TBXAS1: variants seen among roughly 807,000 people sequenced by gnomAD.
TBXAS1 encodes the protein thromboxane-A synthase.
A neutral mutation model predicts 60.7 loss-of-function variants in TBXAS1; 48 were observed. The observed-to-expected ratio is 0.79, with a 90% CI of 0.63 to 1.01. The LOEUF is 1.01. Ranked by LOEUF, TBXAS1 falls within the 50% of genes least tolerant of loss-of-function variation. The pLI is 0.00. For missense variants in TBXAS1, 685 were observed against 686.3 expected, an observed-to-expected ratio of 1.00 and a Z score of 0.02; for synonymous variants, 287 against 269.7, an observed-to-expected ratio of 1.06 and a Z score of -0.63.
chr7:139,944,148 C>G (rs1055094573), intron 5 of TBXAS1, among the ~76,000 whole-genome samples: 1 of 152,200 alleles, frequency 6.6e-6, no homozygotes, highest in African/African-American at 2.4e-5. Context: ...GAGCTGGGGT[C>G]CTGCTTTGAG....
At chr7:139,826,375 CTAAG>C (rs1206752884), upstream of TBXAS1, among the ~76,000 whole-genome samples, 1 of 151,914 alleles carries the variant, frequency 6.6e-6, no homozygotes, top group Non-Finnish European at 1.5e-5. Context: ...TTGGGGGACA[CTAAG>C]TAGGAGTGAC....
chr7:140,011,578 G>C (rs1227699570), intron 10 of TBXAS1, among the ~76,000 whole-genome samples: 1 of 152,146 alleles, frequency 6.6e-6, no homozygotes, highest in African/African-American at 2.4e-5. Flanking sequence ...AGACAACAGG[G>C]AACAGATTTT....
intron 4 of TBXAS1, among the ~76,000 whole-genome samples, chr7:139,935,261 A>AAT (rs1807660200): frequency 6.6e-6 from 1 of 152,188 alleles, no homozygotes; most frequent in Admixed American, 6.5e-5. Context: ...TTTGCATATA[A>AAT]CCTATGTACA....
At chr7:139,906,828 G>T (rs1021208462) in intron 3 of TBXAS1, among the ~76,000 whole-genome samples, 5 of 152,090 alleles carry the variant, frequency 3.3e-5, no homozygotes, top group Non-Finnish European at 7.4e-5. Flanking sequence ...CTTTCATTTG[G>T]TTTACACATG....
At position 139,992,482 on chromosome 7, in the gene TBXAS1, C is replaced by T. The variant is rs562713094; in HGVS notation, c.1135-14609C>T. 1.3e-5 allele frequency among the ~76,000 whole-genome samples: 2 copies of T among 152,316 alleles called. 1 individual carries two copies. The highest frequency in any genetic ancestry group is 4.8e-5 in the African/African-American group (2 of 41,578). Reference sequence around the variant, plus strand: ...GCTCGCGGAGCCATGTCTCTGGGGGCCGTTTTTACTTTGTTTTGCCACTGT... The same window carrying T: ...GCTCGCGGAGCCATGTCTCTGGGGGTCGTTTTTACTTTGTTTTGCCACTGT... On this transcript the variant is annotated intron_variant, in intron 9 of 12. Transcript: ENST00000448866.
intron 1 of TBXAS1, among the ~76,000 whole-genome samples, chr7:139,837,798 AAC>A (rs1436418068): frequency 6.6e-6 from 1 of 152,196 alleles, no homozygotes; most frequent in South Asian, 2.1e-4. Context: ...CCTGTGCCCC[AAC>A]AACTTATGGA....
Position 139,959,446 on chromosome 7 carries a change from C to T in TBXAS1, c.819+1682C>T, listed in dbSNP as rs543981627. ...TATTTTCCTTGGATAGGACCATAAA[C>T]CAGCACCGTTTCAGTCCTCAATGGG... On this transcript the variant is annotated intron_variant, in intron 8 of 12. Transcript: ENST00000448866. Among the ~76,000 whole-genome samples, 17 of 152,266 alleles carry T rather than the reference C, an allele frequency of 1.1e-4. No individual in the cohort carries two copies. In the South Asian group the frequency reaches 3.5e-3, roughly 32 times the overall value.
At chr7:139,869,893 G>T (rs568341501) in intron 1 of TBXAS1, among the ~76,000 whole-genome samples, 7 of 152,228 alleles carry the variant, frequency 4.6e-5, no homozygotes, top group African/African-American at 1.7e-4. Context: ...GAGACCAGAG[G>T]GTATGAAACA....
At chr7:139,871,033 G>A (rs571175655) in intron 1 of TBXAS1, among the ~76,000 whole-genome samples, 1 of 152,304 alleles carries the variant, frequency 6.6e-6, no homozygotes, top group South Asian at 2.1e-4. Flanking sequence ...AGGCTGCAGT[G>A]AGCCTCCACT....
intron 2 of TBXAS1, chr7:139,782,564 G>A (rs186472505): frequency 1.3e-5 from 2 of 152,110 alleles, no homozygotes; most frequent in East Asian, 3.9e-4. Flanking sequence ...TATGCATTTA[G>A]GTGTGTATGT....
At chr7:139,814,006 G>T (rs934350237) in intron 4 of TBXAS1, among the ~76,000 whole-genome samples, 8 of 152,182 alleles carry the variant, frequency 5.3e-5, no homozygotes, top group African/African-American at 1.9e-4. Context: ...TGGACCGTTT[G>T]TGTGGCATTG....
chr7:139,839,597 G>A (rs1437448716), intron 1 of TBXAS1, among the ~76,000 whole-genome samples: 1 of 151,602 alleles, frequency 6.6e-6, no homozygotes, highest in East Asian at 1.9e-4. Context: ...CCAGGGCTTT[G>A]GGAGGGCAAA....
At position 139,955,707 on chromosome 7, in the gene TBXAS1, G is replaced by T. The variant is rs191554939; in HGVS notation, c.688+100G>T. On this transcript the variant is annotated intron_variant, in intron 7 of 12. Transcript: ENST00000448866. The stretch of plus-strand genomic sequence containing the variant: ...TTCTGGGGCTCTGTCCCTGCCACTG[G>T]GAAAGGGCACTCGGGTTGTTCCCCT... 4.9e-3 allele frequency: 7,651 copies of T among 1,550,270 alleles called. 32 individuals are homozygous for T. The highest frequency in any genetic ancestry group is 4.9e-3 in the Non-Finnish European group (5,519 of 1,133,960).
intron 9 of TBXAS1, among the ~76,000 whole-genome samples, chr7:139,968,145 C>T (rs1810927573): frequency 6.6e-6 from 1 of 152,220 alleles, no homozygotes; most frequent in Admixed American, 6.5e-5. Context: ...AAAGGTCTCC[C>T]TCACTATCGG....
At chr7:139,901,929 T>C (rs1688479773) in intron 3 of TBXAS1, among the ~76,000 whole-genome samples, 2 of 151,986 alleles carry the variant, frequency 1.3e-5, no homozygotes, top group Admixed American at 1.3e-4. Context: ...CCAGTGACTT[T>C]TTAAAAATTT....
chr7:139,927,843 A>G lies in TBXAS1; in HGVS notation c.334-8348A>G, dbSNP rs985153376. 7.0e-4 allele frequency among the ~76,000 whole-genome samples: 107 copies of G among 152,286 alleles called. 1 individual carries two copies. Among genetic ancestry groups the G allele is most frequent in the African/African-American group, 2.5e-3 (106 of 41,572 alleles). ...CCCATGTGTAGAAATAAATTTTTGT[A>G]TATTAAATTTGTATCCAACAATATT... On this transcript the variant is annotated intron_variant, in intron 4 of 12. Transcript: ENST00000448866.
intron 4 of TBXAS1, among the ~76,000 whole-genome samples, chr7:139,798,483 A>G (rs911239734): frequency 2.0e-5 from 3 of 152,226 alleles, no homozygotes; most frequent in African/African-American, 7.2e-5. Flanking sequence ...AAGCGAGAGC[A>G]GGAAACAAAA....
chr7:139,909,038 C>T (rs961889097), intron 3 of TBXAS1, among the ~76,000 whole-genome samples: 21 of 152,146 alleles, frequency 1.4e-4, no homozygotes. Flanking sequence ...AACCTGCTGT[C>T]CTTTGAACTG....
At chr7:139,915,529 A>G (rs1164062098) in intron 4 of TBXAS1, among the ~76,000 whole-genome samples, 2 of 152,254 alleles carry the variant, frequency 1.3e-5, no homozygotes, top group Admixed American at 6.5e-5. Context: ...TCATTCTCCA[A>G]CAGGGAGAGC....
Sources: allele counts gnomAD v4.1 joint callset (sites outside exome capture counted in the v4.1 genomes callset), GRCh38; gene constraint gnomAD v4.1.1; transcripts MANE v1.5; gene names NCBI Gene and HGNC (gene_info 2026-07-23, HGNC 2026-07-21).